Variants in LDLRAD4 observed in about 807,000 individuals in gnomAD.
The protein encoded by LDLRAD4 is low density lipoprotein receptor class A domain containing 4.
A neutral mutation model predicts 17.0 loss-of-function variants in LDLRAD4; 5 were observed. That is an observed-to-expected ratio of 0.29 (90% CI 0.15 to 0.62). LDLRAD4 has a LOEUF of 0.62. LDLRAD4 is among the 20% of genes least tolerant of loss of function. The probability of loss-of-function intolerance (pLI) is 0.84; values close to 1 mark genes in which losing one functional copy is unlikely to be tolerated. For missense variants in LDLRAD4, 340 were observed against 424.7 expected, an observed-to-expected ratio of 0.80 and a Z score of 1.75; for synonymous variants, 168 against 171.8, an observed-to-expected ratio of 0.98 and a Z score of 0.17.
chr18:13,523,911 G>T (rs1404836159), intron 3 of LDLRAD4, among the ~76,000 whole-genome samples: 2 of 152,198 alleles, frequency 1.3e-5, no homozygotes, highest in Non-Finnish European at 2.9e-5. Flanking sequence ...CCTGGGTGAG[G>T]ATCAGGCCAC....
chr18:13,459,782 A>G (rs1423032591), intron 3 of LDLRAD4, among the ~76,000 whole-genome samples: 1 of 152,218 alleles, frequency 6.6e-6, no homozygotes, highest in Non-Finnish European at 1.5e-5. Context: ...TTGCTTAAAT[A>G]AAAAGAAGAA....
intron 3 of LDLRAD4, among the ~76,000 whole-genome samples, chr18:13,574,055 G>A (rs2094731560): frequency 6.6e-6 from 1 of 152,196 alleles, no homozygotes; most frequent in Admixed American, 6.5e-5. Flanking sequence ...AGACACTGAG[G>A]TGTATGGATA....
chr18:13,594,169 G>A (rs889251925), intron 3 of LDLRAD4, among the ~76,000 whole-genome samples: 1 of 152,154 alleles, frequency 6.6e-6, no homozygotes, highest in Non-Finnish European at 1.5e-5. Context: ...GTGAAGAGCA[G>A]CACCTCGCTT....
intron 5 of LDLRAD4, among the ~76,000 whole-genome samples, chr18:13,643,932 A>AGACG (rs1157904254): frequency 5.3e-5 from 8 of 152,242 alleles, no homozygotes; most frequent in African/African-American, 1.9e-4. Flanking sequence ...ATGTACGTAT[A>AGACG]TAAAAGAGCC....
At chr18:13,484,135 GT>G (rs895130197) in intron 3 of LDLRAD4, 2 of 152,220 alleles carry the variant, frequency 1.3e-5, no homozygotes, top group African/African-American at 4.8e-5. Flanking sequence ...ACTCACCTTC[GT>G]TTTCCTTCCC....
chr18:13,593,241 A>G (rs931238883), intron 3 of LDLRAD4, among the ~76,000 whole-genome samples: 1 of 152,242 alleles, frequency 6.6e-6, no homozygotes, highest in Non-Finnish European at 1.5e-5. Context: ...TGAATCCAGA[A>G]GGCAGAGGCT....
chr18:13,360,837 G>A lies in LDLRAD4; in HGVS notation c.-382-26504G>A, dbSNP rs149510382. Among the ~76,000 whole-genome samples, 402 of 152,330 alleles carry A rather than the reference G, an allele frequency of 2.6e-3. 3 individuals carry two copies. The highest frequency in any genetic ancestry group is 6.4e-3 in the South Asian group (31 of 4,826). The stretch of plus-strand genomic sequence containing the variant: ...CTATGCAAGTAAGAGGTGACATGAA[G>A]ATGAAAATTCCTGGACCCTGGGAGA... On this transcript the variant is annotated intron_variant, in intron 1 of 5. Transcript: ENST00000359446.
At chr18:13,623,509 G>A (rs1301008400) in intron 4 of LDLRAD4, among the ~76,000 whole-genome samples, 1 of 152,238 alleles carries the variant, frequency 6.6e-6, no homozygotes, top group Non-Finnish European at 1.5e-5. Context: ...CCTCCTCGAG[G>A]TGTGGCTGTT....
intron 3 of LDLRAD4, among the ~76,000 whole-genome samples, chr18:13,602,493 A>ATTTTT (rs36122294): frequency 1.1e-4 from 10 of 94,996 alleles, no homozygotes; most frequent in South Asian, 3.6e-4. Flanking sequence ...ATGGCATTTA[A>ATTTTT]TTTTTTTTTT....
intron 1 of LDLRAD4, among the ~76,000 whole-genome samples, chr18:13,337,311 T>G (rs1176876620): frequency 6.6e-6 from 1 of 152,210 alleles, no homozygotes; most frequent in Non-Finnish European, 1.5e-5. Context: ...GTGCTTGGGA[T>G]CTTTCATTTC....
At chr18:13,276,927 C>T (rs563175345), upstream of LDLRAD4, among the ~76,000 whole-genome samples, 42 of 152,092 alleles carry the variant, frequency 2.8e-4, no homozygotes, top group Non-Finnish European at 5.3e-4. Context: ...GAAATCTGAG[C>T]GTTTGCGTCC....
intron 1 of LDLRAD4, among the ~76,000 whole-genome samples, chr18:13,312,346 C>T (rs2047286479): frequency 6.6e-6 from 1 of 152,124 alleles, no homozygotes; most frequent in South Asian, 2.1e-4. Flanking sequence ...TGCAGATATT[C>T]CAAAATCTGA....
intron 3 of LDLRAD4, among the ~76,000 whole-genome samples, chr18:13,464,513 A>G (rs903592245): frequency 6.6e-6 from 1 of 152,192 alleles, no homozygotes; most frequent in Non-Finnish European, 1.5e-5. Context: ...TACCTGCTAT[A>G]TCTTTCAGCC....
In LDLRAD4 at chr18:13,636,257, G is replaced by A. The variant is rs569342272; in HGVS notation, c.337-7102G>A. Among the ~76,000 whole-genome samples the A allele has an allele frequency of 7.6e-4, 116 of 152,120 alleles. 1 individual carries two copies. The South Asian group carries it at 0.013, about 17-fold the overall frequency. The stretch of plus-strand genomic sequence containing the variant: ...ATGCTCAAGTCCCGCAGTCTGTCCT[G>A]CTGAACCCATGGACAAAAAAGGTCG... On this transcript the variant is annotated intron_variant, in intron 4 of 5. Transcript: ENST00000359446.
At chr18:13,517,982 C>T (rs1416228341) in intron 3 of LDLRAD4, among the ~76,000 whole-genome samples, 5 of 152,208 alleles carry the variant, frequency 3.3e-5, no homozygotes, top group Non-Finnish European at 7.3e-5. Context: ...GATCTGCCCG[C>T]CTCGGCCTCC....
chr18:13,639,315 G>C (rs1027567440), intron 4 of LDLRAD4, among the ~76,000 whole-genome samples: 3 of 152,196 alleles, frequency 2.0e-5, no homozygotes, highest in African/African-American at 7.2e-5. Flanking sequence ...CCCCAACCTA[G>C]ACAAGGGAGA....
intron 1 of LDLRAD4, among the ~76,000 whole-genome samples, chr18:13,386,928 A>G (rs1255396380): frequency 6.8e-6 from 1 of 147,410 alleles, no homozygotes; most frequent in Non-Finnish European, 1.5e-5. Context: ...AGATAGATAG[A>G]TAGATAGATA....
At chr18:13,262,807 G>A (rs2043962416) in intron 1 of LDLRAD4, among the ~76,000 whole-genome samples, 1 of 89,544 alleles carries the variant, frequency 1.1e-5, no homozygotes, top group South Asian at 4.9e-4. Flanking sequence ...TGGAAACTGA[G>A]TCCCGTGCGG....
At chr18:13,524,383 T>C (rs560332587) in intron 3 of LDLRAD4, among the ~76,000 whole-genome samples, 5 of 151,162 alleles carry the variant, frequency 3.3e-5, no homozygotes, top group Admixed American at 3.3e-4. Flanking sequence ...AAAATGCAGG[T>C]TTTTTATGCT....
Sources: gnomAD v4.1 joint callset for allele counts (sites outside exome capture counted in the v4.1 genomes callset) on GRCh38, gnomAD v4.1.1 for gene constraint, MANE v1.5 for transcripts, NCBI Gene and HGNC (gene_info 2026-07-23, HGNC 2026-07-21) for gene names.